REEP3: variants seen among roughly 807,000 people sequenced by gnomAD.
REEP3 encodes the protein receptor expression-enhancing protein 3.
REEP3 carries 20 observed loss-of-function variants against 41.3 expected under a neutral mutation model. The observed-to-expected ratio is 0.48, with a 90% confidence interval of 0.34 to 0.70. The LOEUF (loss-of-function observed/expected upper bound fraction) is 0.70, where lower values mean the gene tolerates loss of function less well. Among genes scored for constraint, REEP3 ranks in the 30% least tolerant of loss-of-function variants. The pLI, the probability that REEP3 is intolerant of heterozygous loss-of-function variation, is 0.01. For synonymous variants in REEP3, 104 were observed against 101.8 expected, an observed-to-expected ratio of 1.02 and a Z score of -0.13; for missense variants, 271 against 308.8, an observed-to-expected ratio of 0.88 and a Z score of 0.92.
intron 1 of REEP3, among the ~76,000 whole-genome samples, chr10:63,544,802 A>C (rs1186661994): frequency 6.6e-6 from 1 of 152,234 alleles, no homozygotes; most frequent in Non-Finnish European, 1.5e-5. Flanking sequence ...TTTTTAAAGT[A>C]ACATTTGGTA....
chr10:63,585,381 A>G (rs1010514083), intron 2 of REEP3, among the ~76,000 whole-genome samples: 1 of 152,216 alleles, frequency 6.6e-6, no homozygotes, highest in Non-Finnish European at 1.5e-5. Context: ...GGTAATTAGG[A>G]AAGGCTTTCT....
intron 1 of REEP3, among the ~76,000 whole-genome samples, chr10:63,549,916 G>A (rs1310889038): frequency 2.6e-5 from 4 of 152,138 alleles, no homozygotes; most frequent in Non-Finnish European, 5.9e-5. Flanking sequence ...GGAACAGATG[G>A]TTTATATAGG....
At chr10:63,560,588 C>T (rs546733841) in intron 1 of REEP3, among the ~76,000 whole-genome samples, 3 of 152,244 alleles carry the variant, frequency 2.0e-5, no homozygotes, top group African/African-American at 4.8e-5. Flanking sequence ...TTACATTAGT[C>T]GGGGTGAACA....
At chr10:63,551,302 G>C (rs976331759) in intron 1 of REEP3, among the ~76,000 whole-genome samples, 1 of 152,166 alleles carries the variant, frequency 6.6e-6, no homozygotes, top group Non-Finnish European at 1.5e-5. Flanking sequence ...AAATAAAGTA[G>C]TATTGGATTA....
chr10:63,538,737 A>AAAAT (rs201508450), intron 1 of REEP3, among the ~76,000 whole-genome samples: 2 of 152,188 alleles, frequency 1.3e-5, no homozygotes, highest in Non-Finnish European at 2.9e-5. Flanking sequence ...CCATCTCAAA[A>AAAAT]AAATAAATAA....
Position 63,597,944 on chromosome 10 carries a change from C to A in REEP3, c.183-80C>A. The A allele has an allele frequency of 4.0e-6, 5 of 1,261,610 alleles. No individual in the cohort carries two copies. The South Asian group carries it at 4.5e-5, about 11-fold the overall frequency. 78.2% of individuals were successfully genotyped at this position (1,261,610 alleles called of 1,614,324 possible). A position where few individuals can be genotyped will look rare whatever the true frequency, so the allele number is the denominator to read the frequency against. On this transcript the variant is annotated intron_variant, in intron 3 of 7. Coordinates refer to ENST00000373758, the MANE Select transcript of REEP3 (RefSeq NM_001001330.3). ...AACAAAAAACAGCATAGTGACTGAA[C>A]TTTTTAAAAGGTGTTTTTGTGATTT...
intron 2 of REEP3, among the ~76,000 whole-genome samples, chr10:63,589,763 T>C (rs147080699): frequency 3.4e-5 from 5 of 147,322 alleles, no homozygotes; most frequent in African/African-American, 1.2e-4. Context: ...GGACGTCTAA[T>C]GTACTAAGAA....
chr10:63,568,822 ATT>A (rs11310609), intron 2 of REEP3, among the ~76,000 whole-genome samples: 15 of 149,096 alleles, frequency 1.0e-4, no homozygotes, highest in African/African-American at 2.2e-4. Flanking sequence ...TGCCCAGCTA[ATT>A]TTTTTTTTTA....
intron 5 of REEP3, among the ~76,000 whole-genome samples, chr10:63,602,735 A>C (rs574759637): frequency 3.3e-5 from 5 of 152,174 alleles, no homozygotes; most frequent in Non-Finnish European, 7.4e-5. Flanking sequence ...GTAGGGCATC[A>C]GCAGTCCCCA....
rs1161843503 is a variant in REEP3 at position 63,602,740 on chromosome 10, T to C, written c.417+3457T>C. 7.9e-5 allele frequency among the ~76,000 whole-genome samples: 12 copies of C among 152,320 alleles called. No individual in the cohort carries two copies. In the South Asian group the frequency reaches 2.5e-3, roughly 32 times the overall value. ...CTACTCCCACGTAGGGCATCAGCAG[T>C]CCCCACTCTATTATCTTATCCTCAT... On this transcript the variant is annotated intron_variant, in intron 5 of 7. Transcript: ENST00000373758.
intron 2 of REEP3, among the ~76,000 whole-genome samples, chr10:63,584,359 AC>A (rs1162822502): frequency 6.7e-6 from 1 of 148,912 alleles, no homozygotes; most frequent in African/African-American, 2.5e-5. Flanking sequence ...GGGGAGAAGT[AC>A]CCCAAAGTTG....
At chr10:63,551,360 A>G (rs2133361097) in intron 1 of REEP3, among the ~76,000 whole-genome samples, 1 of 152,360 alleles carries the variant, frequency 6.6e-6, no homozygotes, top group East Asian at 1.9e-4. Flanking sequence ...ACTCATATAA[A>G]TAAATGAATA....
At chr10:63,540,861 C>G (rs1955521436) in intron 1 of REEP3, among the ~76,000 whole-genome samples, 1 of 152,148 alleles carries the variant, frequency 6.6e-6, no homozygotes, top group African/African-American at 2.4e-5. Flanking sequence ...GCTGAGACAA[C>G]AGGCATACAC....
At chr10:63,540,033 C>T (rs1375785891) in intron 1 of REEP3, among the ~76,000 whole-genome samples, 1 of 152,172 alleles carries the variant, frequency 6.6e-6, no homozygotes, top group East Asian at 1.9e-4. Flanking sequence ...TTTTCAGTGA[C>T]TTTATGATAT....
chr10:63,606,872 T>C (rs1956233422), intron 5 of REEP3, among the ~76,000 whole-genome samples: 1 of 152,228 alleles, frequency 6.6e-6, no homozygotes, highest in Admixed American at 6.5e-5. Context: ...CTAAACATTG[T>C]ACTGTTGTTA....
chr10:63,554,465 A>G (rs1955658835), intron 1 of REEP3, among the ~76,000 whole-genome samples: 1 of 152,172 alleles, frequency 6.6e-6, no homozygotes, highest in African/African-American at 2.4e-5. Context: ...AATATTGGGG[A>G]TCTGCTATGA....
chr10:63,541,356 G>C (rs951416510), intron 1 of REEP3, among the ~76,000 whole-genome samples: 8 of 152,090 alleles, frequency 5.3e-5, no homozygotes, highest in African/African-American at 1.9e-4. Flanking sequence ...GGGTGTGATT[G>C]ACTCTTTTCA....
chr10:63,596,283 G>T (rs949856555), intron 3 of REEP3, among the ~76,000 whole-genome samples: 1 of 150,312 alleles, frequency 6.7e-6, no homozygotes, highest in Non-Finnish European at 1.5e-5. Flanking sequence ...GTTGTGGGGG[G>T]TCTCTTTGTT....
chr10:63,541,836 A>G (rs1331125647), intron 1 of REEP3, among the ~76,000 whole-genome samples: 1 of 152,218 alleles, frequency 6.6e-6, no homozygotes, highest in Non-Finnish European at 1.5e-5. Flanking sequence ...GCAATGGGAT[A>G]AAAGCAATAT....
Sources: gnomAD v4.1 joint callset for allele counts (sites outside exome capture counted in the v4.1 genomes callset) on GRCh38, gnomAD v4.1.1 for gene constraint, MANE v1.5 for transcripts, NCBI Gene and HGNC (gene_info 2026-07-23, HGNC 2026-07-21) for gene names.